Variants in KBTBD12 observed in about 807,000 individuals in gnomAD.
The protein encoded by KBTBD12 is kelch repeat and BTB domain containing 12.
A neutral mutation model predicts 58.7 loss-of-function variants in KBTBD12; 53 were observed. The observed-to-expected ratio is 0.90, with a 90% CI of 0.72 to 1.14. KBTBD12 has a LOEUF of 1.14. KBTBD12 is among the 50% of genes most tolerant of loss of function. KBTBD12 has a pLI of 0.00. For missense variants in KBTBD12, 704 were observed against 751.3 expected (o/e 0.94, Z 0.74); for synonymous variants, 236 against 259.8 (o/e 0.91, Z 0.88).
chr3:127,919,116 T>G (rs1395758204), intron 1 of KBTBD12, among the ~76,000 whole-genome samples: 1 of 152,228 alleles, frequency 6.6e-6, no homozygotes, highest in Non-Finnish European at 1.5e-5. Flanking sequence ...AAGTCATTTC[T>G]CTTGTCTTCA....
intron 1 of KBTBD12, among the ~76,000 whole-genome samples, chr3:127,920,372 G>A (rs1441160333): frequency 5.3e-5 from 8 of 150,594 alleles, no homozygotes; most frequent in Admixed American, 1.3e-4. Flanking sequence ...CCATGTTGAC[G>A]CATGTAGATC....
chr3:127,944,150 T>C (rs1300731253), intron 4 of KBTBD12, among the ~76,000 whole-genome samples: 1 of 152,234 alleles, frequency 6.6e-6, no homozygotes, highest in Admixed American at 6.5e-5. Context: ...TTCTCAAGAT[T>C]ACTTCAGCAA....
chr3:127,923,637 G>T lies in KBTBD12; in HGVS notation c.576G>T (p.Glu192Asp), dbSNP rs752762761. The T allele has an allele frequency of 6.2e-7, 1 of 1,613,644 alleles. No homozygotes were observed. The highest frequency in any genetic ancestry group is 1.1e-5 in the South Asian group (1 of 91,032). The change falls in exon 2 of 6, where the codon GAG becomes GAT. Residue 192 changes from glutamate to aspartate, a missense_variant. Coordinates refer to ENST00000405109, the MANE Select transcript of KBTBD12 (RefSeq NM_207335.4). Reference protein sequence around the residue: ...KSDDLNISREESILDLVLRWV... With the variant: ...KSDDLNISREDSILDLVLRWV... ...ATGATCTTAACATATCCAGAGAAGA[G>T]AGCATTCTGGACTTAGTTCTGAGAT...
chr3:127,923,849 A>C lies in KBTBD12; in HGVS notation c.788A>C (p.His263Pro), dbSNP rs1470898218. The change falls in exon 2 of 6, where the codon CAC becomes CCC. Residue 263 changes from histidine to proline, a missense_variant. Transcript: ENST00000405109. ...AAAGCCATCAAGACACCCCAACAGC[A>C]CTCTCTAAATCTGCGCTATGGTATG... ...AFKAIKTPQQ[H>P]SLNLRYGMET... 1 of 1,613,676 alleles carries C rather than the reference A, an allele frequency of 6.2e-7. No individual in the cohort carries two copies. The highest frequency in any genetic ancestry group is 1.3e-5 in the African/African-American group (1 of 74,860).
intron 3 of KBTBD12, among the ~76,000 whole-genome samples, chr3:127,929,006 T>C (rs926374482): frequency 6.6e-6 from 1 of 152,210 alleles, no homozygotes; most frequent in East Asian, 1.9e-4. Flanking sequence ...ACAGATTATT[T>C]GTAATTAAAC....
At chr3:127,961,160 T>C (rs976065931) in intron 4 of KBTBD12, among the ~76,000 whole-genome samples, 1 of 152,220 alleles carries the variant, frequency 6.6e-6, no homozygotes, top group Admixed American at 6.5e-5. Flanking sequence ...TCTTACCTTA[T>C]GGGTGATTGC....
At chr3:127,947,356 C>T (rs1055920482) in intron 4 of KBTBD12, among the ~76,000 whole-genome samples, 1 of 152,176 alleles carries the variant, frequency 6.6e-6, no homozygotes, top group East Asian at 1.9e-4. Flanking sequence ...CAGCCCTGTT[C>T]CTTAGGCATG....
rs1385248726 is a variant in KBTBD12 at position 127,923,710 on chromosome 3, T to C, written c.649T>C (p.Leu217=). The C allele has an allele frequency of 8.7e-6, 14 of 1,613,776 alleles. No individual in the cohort carries two copies. The highest frequency in any genetic ancestry group is 1.2e-5 in the Non-Finnish European group (14 of 1,179,842). ...GCGTACAGTGCATCTTGTTGAGCTT[T>C]TGAAGCAAGTCAGATTGGAACTTGT... ...ELRTVHLVEL[L]KQVRLELVNP... is the part of the protein sequence containing the mutation. Residue 217 remains leucine (L), a synonymous_variant, in exon 2 of 6, where the codon TTG becomes CTG. Coordinates refer to ENST00000405109, the MANE Select transcript of KBTBD12 (RefSeq NM_207335.4).
chr3:127,920,175 A>T (rs1006232761), intron 1 of KBTBD12, among the ~76,000 whole-genome samples: 3 of 152,206 alleles, frequency 2.0e-5, no homozygotes, highest in African/African-American at 7.2e-5. Context: ...CAAGAATGGT[A>T]CAAAAAACTC....
intron 1 of KBTBD12, among the ~76,000 whole-genome samples, chr3:127,920,292 A>G (rs1417250458): frequency 6.6e-6 from 1 of 152,152 alleles, no homozygotes; most frequent in Non-Finnish European, 1.5e-5. Flanking sequence ...CATATTAGAA[A>G]TATATCAGTG....
intron 5 of KBTBD12, among the ~76,000 whole-genome samples, chr3:127,977,705 T>A (rs1409697486): frequency 6.6e-6 from 1 of 152,236 alleles, no homozygotes; most frequent in Non-Finnish European, 1.5e-5. Context: ...TTATTTAAGT[T>A]CCTTATAGAT....
chr3:127,968,743 C>A (rs1940631645), intron 5 of KBTBD12, among the ~76,000 whole-genome samples: 1 of 150,994 alleles, frequency 6.6e-6, no homozygotes, highest in Non-Finnish European at 1.5e-5. Context: ...AACAAACTTG[C>A]ATATCCTGCA....
At chr3:127,950,659 A>G (rs1351378221) in intron 4 of KBTBD12, among the ~76,000 whole-genome samples, 1 of 152,192 alleles carries the variant, frequency 6.6e-6, no homozygotes, top group Admixed American at 6.5e-5. Flanking sequence ...CTAGGGCAAG[A>G]CAGATCAACT....
At chr3:127,972,482 T>C (rs911431167) in intron 5 of KBTBD12, among the ~76,000 whole-genome samples, 1 of 152,206 alleles carries the variant, frequency 6.6e-6, no homozygotes, top group Non-Finnish European at 1.5e-5. Context: ...TTCTAGGTAG[T>C]AAGCCCATGT....
At chr3:127,943,230 T>C (rs1016051153) in intron 4 of KBTBD12, among the ~76,000 whole-genome samples, 3 of 152,212 alleles carry the variant, frequency 2.0e-5, no homozygotes, top group African/African-American at 7.2e-5. Context: ...TTAGGTCACA[T>C]AGTAGTTCTA....
chr3:127,958,444 G>C (rs949687102), intron 4 of KBTBD12, among the ~76,000 whole-genome samples: 3 of 152,146 alleles, frequency 2.0e-5, no homozygotes, highest in Admixed American at 2.0e-4. Context: ...AGATGGAGAA[G>C]AGACAAGGAA....
At chr3:127,958,533 C>G (rs756687125) in intron 4 of KBTBD12, among the ~76,000 whole-genome samples, 1 of 152,132 alleles carries the variant, frequency 6.6e-6, no homozygotes, top group African/African-American at 2.4e-5. Flanking sequence ...CACAAAAGCC[C>G]GGGTATCACT....
At position 127,927,744 on chromosome 3, in the gene KBTBD12, ACTCT is replaced by A. The variant is rs532480049; in HGVS notation, c.1071-11_1071-8del. Reference sequence around the variant, plus strand: ...TTTCATGTTACCTCTAATCCTGGATACTCTCTCTCTCTTTTGCAGGTATCATGAT... The same window carrying A: ...TTTCATGTTACCTCTAATCCTGGATACTCTCTCTTTTGCAGGTATCATGAT... On this transcript the variant is annotated splice_polypyrimidine_tract_variant and intron_variant, in intron 2 of 5. Transcript: ENST00000405109. 3.3e-5 allele frequency: 47 copies of A among 1,442,962 alleles called. No homozygotes were observed. The African/African-American group carries it at 5.9e-4, about 18-fold the overall frequency. 89.4% of individuals were successfully genotyped at this position (1,442,962 alleles called of 1,614,324 possible).
rs146545291 is a variant in KBTBD12 at position 127,921,417 on chromosome 3, C to T, written c.-112-1533C>T. ...CTACTTTACTTGTGTACATTATTCCCATTTTACAGATGAAGAAGCCAAGGT... is the reference window on the plus strand; with the variant it reads ...CTACTTTACTTGTGTACATTATTCCTATTTTACAGATGAAGAAGCCAAGGT... On this transcript the variant is annotated intron_variant, in intron 1 of 5. Coordinates refer to ENST00000405109, the MANE Select transcript of KBTBD12 (RefSeq NM_207335.4). Among the ~76,000 whole-genome samples the T allele has an allele frequency of 1.4e-3, 210 of 152,234 alleles. 1 individual carries two copies. The highest frequency in any genetic ancestry group is 5.0e-3 in the African/African-American group (206 of 41,564).
Sources: gnomAD v4.1 joint callset for allele counts (sites outside exome capture counted in the v4.1 genomes callset) on GRCh38, gnomAD v4.1.1 for gene constraint, MANE v1.5 for transcripts, NCBI Gene and HGNC (gene_info 2026-07-23, HGNC 2026-07-21) for gene names.